GABRA2: variants seen among roughly 807,000 people sequenced by gnomAD.
GABRA2 encodes the protein gamma-aminobutyric acid receptor subunit alpha-2.
GABRA2 carries 16 observed loss-of-function variants against 48.7 expected under a neutral mutation model. The ratio of observed to expected loss-of-function variants is 0.33; its 90% CI spans 0.22 to 0.50. GABRA2 has a LOEUF of 0.50. Ranked by LOEUF, GABRA2 falls within the 20% of genes least tolerant of loss-of-function variation. GABRA2 has a pLI of 0.98. For missense variants in GABRA2, 275 were observed against 535.6 expected (o/e 0.51, Z 4.80); for synonymous variants, 185 against 184.5 (o/e 1.00, Z -0.02).
At chr4:46,368,279 A>G (rs1296006207) in intron 3 of GABRA2, 2 of 152,116 alleles carry the variant, frequency 1.3e-5, no homozygotes, top group Non-Finnish European at 2.9e-5. Flanking sequence ...ACTGACAGCC[A>G]CCTCAGAACA....
chr4:46,266,718 C>CTTTTTTTTT (rs35380341), intron 8 of GABRA2, among the ~76,000 whole-genome samples: 1 of 92,834 alleles, frequency 1.1e-5, no homozygotes, highest in Admixed American at 1.3e-4. Context: ...CAAATATTCT[C>CTTTTTTTTT]TTTTTTTTTT....
chr4:46,305,440 G>A, intron 7 of GABRA2, 128 bp downstream of exon 7: 2 of 718,668 alleles, frequency 2.8e-6, no homozygotes, highest in Middle Eastern at 2.8e-4. Context: ...AAGCTCCCAA[G>A]CACAGCCTAT....
chr4:46,303,794 A>C lies in GABRA2; in HGVS notation c.704-182T>G, dbSNP rs142277167. Among the ~76,000 whole-genome samples the C allele has an allele frequency of 1.8e-4, 28 of 152,304 alleles. 1 individual carries two copies. In the East Asian group the frequency reaches 5.4e-3, roughly 29 times the overall value. On this transcript the variant is annotated intron_variant, in intron 7 of 9. Transcript: ENST00000381620. ...GCATAGCATGAGTGTTTAGAAGAAA[A>C]TTTTAGTATCAAGAAACTTGCAGCT...
chr4:46,346,799 G>A (rs556782239), intron 3 of GABRA2, among the ~76,000 whole-genome samples: 1 of 151,272 alleles, frequency 6.6e-6, no homozygotes, highest in Non-Finnish European at 1.5e-5. Flanking sequence ...GAGCAATTAA[G>A]CAAGAAAGAA....
At chr4:46,281,960 T>C (rs1389565927) in intron 8 of GABRA2, among the ~76,000 whole-genome samples, 1 of 152,084 alleles carries the variant, frequency 6.6e-6, no homozygotes, top group Non-Finnish European at 1.5e-5. Context: ...AAGGAATGCA[T>C]CCTGGTGCAC....
At chr4:46,385,762 A>T (rs754443479) in intron 3 of GABRA2, among the ~76,000 whole-genome samples, 7 of 152,118 alleles carry the variant, frequency 4.6e-5, no homozygotes, top group Non-Finnish European at 8.8e-5. Flanking sequence ...ATATACTTTC[A>T]TATGTATATC....
chr4:46,389,567 G>C (rs1002428644), intron 1 of GABRA2, 168 bp downstream of exon 1: 4 of 422,890 alleles, frequency 9.5e-6, no homozygotes, highest in Admixed American at 6.4e-5. Context: ...CTGGTGATAA[G>C]TATCGAAATT....
chr4:46,282,603 A>G (rs1043652837), intron 8 of GABRA2, among the ~76,000 whole-genome samples: 1 of 152,226 alleles, frequency 6.6e-6, no homozygotes. Flanking sequence ...ATGATGTCAA[A>G]GAAGCTGGAT....
Position 46,246,954 on chromosome 4 carries a change from G to A in GABRA2, c.*3354C>T, listed in dbSNP as rs526063. On this transcript the variant is annotated 3_prime_UTR_variant, in exon 10 of 10. Coordinates refer to ENST00000381620, the MANE Select transcript of GABRA2 (RefSeq NM_000807.4). Reference sequence around the variant, plus strand: ...TTCTGGAATCCATGATTATATCATGGCAGGGTTTGTGTCCCTCAACCAGGA... The same window carrying A: ...TTCTGGAATCCATGATTATATCATGACAGGGTTTGTGTCCCTCAACCAGGA... Among the ~76,000 whole-genome samples the A allele has an allele frequency of 0.63, 94,457 of 150,812 alleles. 30,196 individuals carry two copies. The highest frequency in any genetic ancestry group is 0.78 in the South Asian group (3,742 of 4,804).
Position 46,297,476 on chromosome 4 carries a change from CATATATATATATATATATATATAT to C in GABRA2, c.856+5960_856+5983del, listed in dbSNP as rs56201706. Among the ~76,000 whole-genome samples the C allele has an allele frequency of 4.7e-3, 413 of 87,750 alleles. 17 individuals are homozygous for C. Among genetic ancestry groups the C allele is most frequent in the African/African-American group, 0.018 (362 of 20,396 alleles). 57.6% of individuals were successfully genotyped at this position (87,750 alleles called of 152,430 possible). ...GAGTTAATACTACTTAATAAAATCC[CATATATATATATATATATATATAT>C]ATATATATATATATATGGAGAACTG... is the stretch of plus-strand genomic sequence containing the variant. On this transcript the variant is annotated intron_variant, in intron 8 of 9. Transcript: ENST00000381620.
intron 7 of GABRA2, among the ~76,000 whole-genome samples, chr4:46,303,938 T>C (rs1366227314): frequency 6.6e-6 from 1 of 152,172 alleles, no homozygotes; most frequent in East Asian, 1.9e-4. Flanking sequence ...AAATTGAGCA[T>C]CCCTAATCAA....
intron 4 of GABRA2, among the ~76,000 whole-genome samples, chr4:46,324,583 T>C (rs1730012773): frequency 6.6e-6 from 1 of 151,826 alleles, no homozygotes; most frequent in Non-Finnish European, 1.5e-5. Flanking sequence ...TTTGTCAACA[T>C]TTATTTTTGG....
intron 3 of GABRA2, among the ~76,000 whole-genome samples, chr4:46,373,361 G>A (rs1213829381): frequency 6.6e-6 from 1 of 152,062 alleles, no homozygotes; most frequent in African/African-American, 2.4e-5. Context: ...AGATTATCAG[G>A]GAAGCTTGAA....
rs1341081861 is a variant in GABRA2 at position 46,244,284 on chromosome 4, A to C, written c.*6024T>G. 8 of 151,806 alleles carry C rather than the reference A, an allele frequency of 5.3e-5. No homozygotes were observed. Among genetic ancestry groups the C allele is most frequent in the Admixed American group, 4.0e-4 (6 of 15,182 alleles). 9.4% of individuals were successfully genotyped at this position (151,806 alleles called of 1,614,324 possible). A position where few individuals can be genotyped will look rare whatever the true frequency, so the allele number is the denominator to read the frequency against. On this transcript the variant is annotated 3_prime_UTR_variant, in exon 10 of 10. Coordinates refer to ENST00000381620, the MANE Select transcript of GABRA2 (RefSeq NM_000807.4). ...AAAATAAATTCTGAACAAATCTATC[A>C]GTACTATTTCTAAAGTAATTCTGCA...
chr4:46,271,173 A>G (rs979507469), intron 8 of GABRA2, among the ~76,000 whole-genome samples: 1 of 152,038 alleles, frequency 6.6e-6, no homozygotes, highest in Non-Finnish European at 1.5e-5. Context: ...AGACTGCAAT[A>G]GAACACATGT....
At chr4:46,255,032 T>G (rs536715847) in intron 9 of GABRA2, among the ~76,000 whole-genome samples, 1 of 151,688 alleles carries the variant, frequency 6.6e-6, no homozygotes, top group South Asian at 2.1e-4. Context: ...TGCCTGTACT[T>G]AGTTGCCATT....
intron 4 of GABRA2, among the ~76,000 whole-genome samples, chr4:46,327,006 C>G (rs1344040267): frequency 1.3e-5 from 2 of 151,976 alleles, no homozygotes; most frequent in Non-Finnish European, 2.9e-5. Context: ...CCACAGAGAA[C>G]TTTTAAATCT....
In GABRA2 at chr4:46,261,944, C is replaced by A; in HGVS notation, c.1041G>T (p.Lys347Asn). Residue 347 changes from lysine to asparagine, a missense_variant, in exon 9 of 10, where the codon AAG (lysine) becomes AAT (asparagine). By Grantham distance (94) the Lys-to-Asn change is moderately conservative. Coordinates refer to ENST00000381620, the MANE Select transcript of GABRA2 (RefSeq NM_000807.4). The stretch of plus-strand genomic sequence containing the variant: ...CACTTACCTTGTCATTTACTACACT[C>A]TTCCCATCCCAAGCCCATCCTCTTT... ...FTKRGWAWDG[K>N]SVVNDKKKEK... 1 of 1,613,684 alleles carries A rather than the reference C, an allele frequency of 6.2e-7. No individual in the cohort carries two copies. The highest frequency in any genetic ancestry group is 8.5e-7 in the Non-Finnish European group (1 of 1,179,736).
chr4:46,292,216 C>T (rs958860134), intron 8 of GABRA2, among the ~76,000 whole-genome samples: 1 of 152,116 alleles, frequency 6.6e-6, no homozygotes, highest in Non-Finnish European at 1.5e-5. Context: ...ATGATGAACT[C>T]AGGGATTCTA....
Sources: gnomAD v4.1 joint callset for allele counts (sites outside exome capture counted in the v4.1 genomes callset) on GRCh38, gnomAD v4.1.1 for gene constraint, MANE v1.5 for transcripts, NCBI Gene and HGNC (gene_info 2026-07-23, HGNC 2026-07-21) for gene names.